The following IGSF22 variants were observed in gnomAD, a reference collection of about 807,000 sequenced individuals.
The protein encoded by IGSF22 is immunoglobulin superfamily member 22.
Under a neutral mutation model 127.0 loss-of-function variants are expected in IGSF22, and 119 were observed. The observed-to-expected ratio is 0.94, with a 90% CI of 0.81 to 1.09. IGSF22 has a LOEUF of 1.09. Among genes scored for constraint, IGSF22 ranks in the 50% least tolerant of loss-of-function variants. The pLI is 0.00. For synonymous variants in IGSF22, 568 were observed against 664.7 expected (o/e 0.85, Z 2.24); for missense variants, 1,518 against 1,716.6 (o/e 0.88, Z 2.04).
chr11:18,712,032 T>C (rs10832972), intron 15 of IGSF22, 50 bp downstream of exon 15: 1,060,823 of 1,470,182 alleles, frequency 0.72, 384,792 homozygotes, highest in East Asian at 0.82. Flanking sequence ...GCTTAAGGTC[T>C]CCATGCTGAC....
At position 18,704,453 on chromosome 11, in the gene IGSF22, G is replaced by C; in HGVS notation, c.*15C>G. On this transcript the variant is annotated 3_prime_UTR_variant, in exon 23 of 23. Transcript: ENST00000513874. ...ACATCATAACAGCCTCCTGATGCCT[G>C]GGCTTGGCTGGAGCTCACATGAGGT... The C allele has an allele frequency of 3.2e-6, 5 of 1,538,810 alleles. No homozygotes were observed. The highest frequency in any genetic ancestry group is 4.4e-6 in the Non-Finnish European group (5 of 1,135,440).
Position 18,714,295 on chromosome 11 carries a change from C to T in IGSF22, c.1780G>A (p.Ala594Thr). ...TFRAKGTESE[A>T]SVFIADPPTI... is the part of the protein sequence containing the mutation. ...TCCATACCTGCGATGAATACAGAGG[C>T]TTCACTTTCCGTGCCCTTGGCCCGG... is the stretch of plus-strand genomic sequence containing the variant. Residue 594 changes from alanine (A) to threonine (T), a missense_variant, in exon 13 of 23, where the codon GCC becomes ACC. Coordinates refer to ENST00000513874, the MANE Select transcript of IGSF22 (RefSeq NM_173588.4). 1.2e-6 allele frequency: 2 copies of T among 1,613,902 alleles called. No homozygotes were observed. Among genetic ancestry groups the T allele is most frequent in the Admixed American group, 1.7e-5 (1 of 59,978 alleles).
Position 18,712,104 on chromosome 11 carries a change from T to C in IGSF22, c.2376A>G (p.Glu792=). 6.4e-7 allele frequency: 1 copy of C among 1,551,342 alleles called. No homozygotes were observed. Among genetic ancestry groups the C allele is most frequent in the East Asian group, 2.4e-5 (1 of 40,902 alleles). Reference sequence around the variant, plus strand: ...GACCTATGGGATTTCCTGCAAACACTTCTTCTGTCTCCAGTGGGTCACTCA... The same window carrying C: ...GACCTATGGGATTTCCTGCAAACACCTCTTCTGTCTCCAGTGGGTCACTCA... ...EGVSDPLETE[E]VFAGNPIEPP... The change falls in exon 15 of 23, where the codon GAA becomes GAG. Residue 792 remains glutamate, a synonymous_variant. Coordinates refer to ENST00000513874, the MANE Select transcript of IGSF22 (RefSeq NM_173588.4).
At chr11:18,707,340 T>A in intron 20 of IGSF22, 127 bp from the exon 21 acceptor site, 1 of 846,384 alleles carries the variant, frequency 1.2e-6, no homozygotes, top group Non-Finnish European at 1.7e-6. Context: ...TGTCTTGGAG[T>A]CGGAAAACTA....
chr11:18,719,308 CG>C (rs71443712), intron 7 of IGSF22, among the ~76,000 whole-genome samples: 34 of 63,422 alleles, frequency 5.4e-4, no homozygotes, highest in South Asian at 2.8e-3. Flanking sequence ...CCACACCCAG[CG>C]GTTTTTTTTT....
rs765546983 is a variant in IGSF22 at position 18,710,482 on chromosome 11, A to G, written c.2573-27T>C. Reference sequence around the variant, plus strand: ...TGAAATGGGAAGATGAGGGGTCGTGAGGCCAGAGGCATCCATGGGGTGAGA... The same window carrying G: ...TGAAATGGGAAGATGAGGGGTCGTGGGGCCAGAGGCATCCATGGGGTGAGA... On this transcript the variant is annotated intron_variant, in intron 16 of 22. Transcript: ENST00000513874. The G allele has an allele frequency of 5.0e-4, 801 of 1,612,912 alleles. 1 individual carries two copies. The highest frequency in any genetic ancestry group is 6.6e-4 in the Non-Finnish European group (784 of 1,179,678).
At position 18,709,373 on chromosome 11, in the gene IGSF22, C is replaced by T; in HGVS notation, c.2998+14G>A. 6.2e-7 allele frequency: 1 copy of T among 1,611,820 alleles called. No individual in the cohort carries two copies. The highest frequency in any genetic ancestry group is 8.5e-7 in the Non-Finnish European group (1 of 1,178,830). On this transcript the variant is annotated intron_variant, in intron 18 of 22. Transcript: ENST00000513874. This position sits in a 1 kb window ranked among gnomAD's most constrained non-coding sequence, Gnocchi z 4.8. ...ATGTTGGGCATGAATCCCCAGCCCTCTCTGTGTCCTCACCTGGTGGTGGCA... is the reference window on the plus strand; with the variant it reads ...ATGTTGGGCATGAATCCCCAGCCCTTTCTGTGTCCTCACCTGGTGGTGGCA...
In IGSF22 at chr11:18,720,232, A is replaced by T; in HGVS notation, c.432T>A (p.Asn144Lys). ...CGGTATAGATGGCATCTGCATGGTC[A>T]TTGCTTGCAATGCACTTATAGTTGT... ...DSDNYKCIAS[N>K]DHADAIYTVS... The change falls in exon 5 of 23, where the codon AAT (asparagine) becomes AAA (lysine). Residue 144 changes from asparagine (N) to lysine (K), a missense_variant. By Grantham distance (94) the Asn-to-Lys change is moderately conservative. Transcript: ENST00000513874. The T allele has an allele frequency of 6.2e-7, 1 of 1,614,180 alleles. No individual in the cohort carries two copies. The highest frequency in any genetic ancestry group is 8.5e-7 in the Non-Finnish European group (1 of 1,180,036).
intron 7 of IGSF22, among the ~76,000 whole-genome samples, chr11:18,719,394 T>C (rs1211913431): frequency 6.6e-6 from 1 of 151,604 alleles, no homozygotes; most frequent in African/African-American, 2.4e-5. Flanking sequence ...CTCAAACTCC[T>C]GACCTCAGGT....
At chr11:18,705,575 A>G in intron 22 of IGSF22, 1 of 558,202 alleles carries the variant, frequency 1.8e-6, no homozygotes, top group Non-Finnish European at 3.2e-6. Flanking sequence ...GCTCACCAAG[A>G]GTTGCAAACC....
chr11:18,718,344 A>G (rs143195987), intron 8 of IGSF22, among the ~76,000 whole-genome samples: 1,818 of 152,332 alleles, frequency 0.012, 13 homozygotes, highest in Non-Finnish European at 0.02. Flanking sequence ...TTAGAGGCAC[A>G]GATCTTCAGT....
At chr11:18,708,463 C>T (rs79330718) in intron 18 of IGSF22, among the ~76,000 whole-genome samples, 168 bp from the exon 19 acceptor site, 7,723 of 152,296 alleles carry the variant, frequency 0.051, 350 homozygotes, top group African/African-American at 0.12. Flanking sequence ...TTTGTTTTCT[C>T]ATCTGTCTCC....
In IGSF22 at chr11:18,712,123, T is replaced by C. The variant is rs1419011027; in HGVS notation, c.2357A>G (p.Asp786Gly). Residue 786 changes from aspartate (D) to glycine (G), a missense_variant, in exon 15 of 23, where the codon GAC (aspartate) becomes GGC (glycine). Asp to Gly is a moderately conservative substitution (Grantham distance 94). Transcript: ENST00000513874. Reference protein sequence around the residue: ...ILAVNSEGVSDPLETEEVFAG... With the variant: ...ILAVNSEGVSGPLETEEVFAG... The stretch of plus-strand genomic sequence containing the variant: ...AAACACTTCTTCTGTCTCCAGTGGG[T>C]CACTCACACCTTCTGAATTGACTGC... 2 of 1,551,682 alleles carry C rather than the reference T, an allele frequency of 1.3e-6. No homozygotes were observed. The highest frequency in any genetic ancestry group is 3.9e-5 in the Admixed American group (2 of 51,006).
intron 21 of IGSF22, among the ~76,000 whole-genome samples, chr11:18,706,362 G>T (rs1235889500): frequency 2.0e-5 from 3 of 147,064 alleles, no homozygotes; most frequent in Non-Finnish European, 3.0e-5. Context: ...CCACTCCAGG[G>T]TTCTGCCACC....
chr11:18,714,465 C>T (rs1564872064), intron 12 of IGSF22, 35 bp downstream of exon 12: 3 of 1,614,082 alleles, frequency 1.9e-6, no homozygotes, highest in African/African-American at 1.3e-5. Flanking sequence ...CCAGGTCTAC[C>T]TCCTTCACCC....
At chr11:18,719,693 C>T in intron 7 of IGSF22, 23 bp downstream of exon 7, 1 of 1,611,096 alleles carries the variant, frequency 6.2e-7, no homozygotes, top group Non-Finnish European at 8.5e-7. Flanking sequence ...CCTGCAGGCC[C>T]CTGCTCCCTG....
rs1848288160 is a variant in IGSF22, at chr11:18,708,356, AG to A, written c.2999-62del. On this transcript the variant is annotated intron_variant, in intron 18 of 22. Transcript: ENST00000513874. ...TGTCTTTCAAGAAGACTCTGCTTTAAGCCTCCTCATCAAAGCCTTCCCAACC... is the reference window on the plus strand; with the variant it reads ...TGTCTTTCAAGAAGACTCTGCTTTAACCTCCTCATCAAAGCCTTCCCAACC... 2.9e-6 allele frequency: 4 copies of A among 1,359,086 alleles called. No homozygotes were observed. In the African/African-American group the frequency reaches 4.4e-5, roughly 15 times the overall value. The allele number at this position is 1,359,086 out of a possible 1,614,324, so 84.2% of individuals were successfully genotyped here.
chr11:18,706,810 G>T (rs899193289), intron 21 of IGSF22, 104 bp downstream of exon 21: 2 of 897,856 alleles, frequency 2.2e-6, no homozygotes, highest in African/African-American at 1.7e-5. Context: ...TATCTCAATG[G>T]TTTTCAGATT....
Position 18,721,898 on chromosome 11 carries a change from G to C in IGSF22, c.241+12C>G. The C allele has an allele frequency of 6.2e-7, 1 of 1,612,088 alleles. No individual in the cohort carries two copies. Among genetic ancestry groups the C allele is most frequent in the Non-Finnish European group, 8.5e-7 (1 of 1,180,026 alleles). On this transcript the variant is annotated intron_variant, in intron 3 of 22. Coordinates refer to ENST00000513874, the MANE Select transcript of IGSF22 (RefSeq NM_173588.4). ...AGCACTGGAGCCCGGTGAGCCACAG[G>C]CAGCAACACACCCTCGGGCGCGGTG... is the stretch of plus-strand genomic sequence containing the variant.
Sources: allele counts gnomAD v4.1 joint callset (sites outside exome capture counted in the v4.1 genomes callset), GRCh38; gene constraint gnomAD v4.1.1; non-coding constraint Gnocchi (gnomAD v3.1); transcripts MANE v1.5; gene names NCBI Gene and HGNC (gene_info 2026-07-23, HGNC 2026-07-21).